MSH3: variants seen among roughly 807,000 people sequenced by gnomAD.
MSH3 encodes DNA mismatch repair protein Msh3.
A neutral mutation model predicts 123.3 loss-of-function variants in MSH3; 106 were observed. The observed-to-expected ratio is 0.86, with a 90% CI of 0.73 to 1.01. The LOEUF is 1.01. MSH3 is among the 50% of genes least tolerant of loss of function. The probability of loss-of-function intolerance (pLI) is 0.00; values close to 1 mark genes in which losing one functional copy is unlikely to be tolerated. For missense variants in MSH3, 1,459 were observed against 1,347.6 expected (o/e 1.08, Z -1.29); for synonymous variants, 515 against 481.4 (o/e 1.07, Z -0.91).
intron 10 of MSH3, among the ~76,000 whole-genome samples, chr5:80,735,794 A>C (rs1165363987): frequency 6.6e-6 from 1 of 152,244 alleles, no homozygotes; most frequent in African/African-American, 2.4e-5. Context: ...ATTAATCTTC[A>C]CTTAAAAATT....
intron 8 of MSH3, among the ~76,000 whole-genome samples, 163 bp from the exon 9 acceptor site, chr5:80,725,290 G>A (rs774675532): frequency 1.8e-4 from 27 of 149,516 alleles, no homozygotes; most frequent in Non-Finnish European, 2.2e-4. Context: ...AGAGCATTTT[G>A]GCAGAGAAAC....
chr5:80,855,584 G>A (rs1162669236), intron 21 of MSH3: 1 of 152,188 alleles, frequency 6.6e-6, no homozygotes, highest in Non-Finnish European at 1.5e-5. Context: ...TAGGCTTCAT[G>A]AGAATGATTC....
At chr5:80,834,842 A>G (rs937364468) in intron 20 of MSH3, among the ~76,000 whole-genome samples, 33 of 152,140 alleles carry the variant, frequency 2.2e-4, no homozygotes, top group Non-Finnish European at 4.1e-4. Context: ...AAGAAACCCT[A>G]TAATACCATG....
intron 8 of MSH3, among the ~76,000 whole-genome samples, chr5:80,699,248 G>T (rs1221935097): frequency 6.6e-6 from 1 of 152,138 alleles, no homozygotes; most frequent in Non-Finnish European, 1.5e-5. Flanking sequence ...ACTGATTTGG[G>T]TTTTTTAAAC....
intron 8 of MSH3, among the ~76,000 whole-genome samples, chr5:80,680,790 T>C (rs1433795768): frequency 3.3e-5 from 5 of 152,150 alleles, no homozygotes; most frequent in African/African-American, 9.7e-5. Context: ...GGAGCATCAG[T>C]TTATCCTCTA....
chr5:80,685,667 GATTTTT>G (rs1750072331), intron 8 of MSH3, among the ~76,000 whole-genome samples: 2 of 151,748 alleles, frequency 1.3e-5, no homozygotes, highest in African/African-American at 4.8e-5. Context: ...TTTCTGCTCT[GATTTTT>G]ATTTTTATTT....
chr5:80,664,291 G>A (rs1358451839), intron 2 of MSH3, among the ~76,000 whole-genome samples: 5 of 152,144 alleles, frequency 3.3e-5, no homozygotes, highest in Non-Finnish European at 5.9e-5. Flanking sequence ...GCAAAGTGAT[G>A]GTGTTTCTGA....
chr5:80,666,686 TA>T (rs1749581959), intron 3 of MSH3, among the ~76,000 whole-genome samples: 1 of 152,162 alleles, frequency 6.6e-6, no homozygotes, highest in Admixed American at 6.5e-5. Flanking sequence ...AAATTAGAAG[TA>T]AGTAGACAGA....
intron 20 of MSH3, among the ~76,000 whole-genome samples, chr5:80,829,079 A>AAG (rs1745375378): frequency 6.6e-6 from 1 of 152,192 alleles, no homozygotes; most frequent in African/African-American, 2.4e-5. Context: ...GCATTAATCC[A>AAG]CGAATGGATT....
At chr5:80,739,237 G>A (rs1052083094) in intron 10 of MSH3, among the ~76,000 whole-genome samples, 2 of 152,208 alleles carry the variant, frequency 1.3e-5, no homozygotes, top group South Asian at 4.1e-4. Flanking sequence ...TAACTGGTTA[G>A]ATACCAACTC....
At chr5:80,835,487 CAT>C (rs898341264) in intron 20 of MSH3, among the ~76,000 whole-genome samples, 19 of 151,928 alleles carry the variant, frequency 1.3e-4, no homozygotes, top group African/African-American at 4.6e-4. Context: ...GCAGCAATAG[CAT>C]TTTTTTTTTA....
rs770687133 is a variant in MSH3 at position 80,679,048 on chromosome 5, T to G, written c.1295T>G (p.Leu432Trp). The change falls in exon 8 of 24, where the codon TTG becomes TGG. Residue 432 changes from leucine to tryptophan, a missense_variant. Transcript: ENST00000265081. ...QPVELLLPSA[L>W]SEQTEALIHR... ...GTAGAGCTGCTGCTTCCTTCGGCCT[T>G]GTCCGAGCAAACAGAGGCGCTCATC... is the stretch of plus-strand genomic sequence containing the variant. The G allele has an allele frequency of 1.2e-5, 19 of 1,614,014 alleles. No homozygotes were observed. The African/African-American group carries it at 2.5e-4, about 22-fold the overall frequency.
intron 12 of MSH3, among the ~76,000 whole-genome samples, chr5:80,756,375 G>T (rs751813244): frequency 6.6e-6 from 1 of 152,198 alleles, no homozygotes; most frequent in African/African-American, 2.4e-5. Flanking sequence ...CAGGCCTTCA[G>T]TGTTTCTTCT....
At chr5:80,688,386 G>C (rs187112444) in intron 8 of MSH3, among the ~76,000 whole-genome samples, 4 of 152,302 alleles carry the variant, frequency 2.6e-5, no homozygotes, top group Admixed American at 2.6e-4. Flanking sequence ...TACATCATCT[G>C]AGGTTTAACC....
intron 7 of MSH3, among the ~76,000 whole-genome samples, chr5:80,676,318 A>G (rs1351957232): frequency 6.6e-6 from 1 of 152,220 alleles, no homozygotes; most frequent in African/African-American, 2.4e-5. Context: ...GGCGTGAGCC[A>G]CCACGCCTGG....
chr5:80,658,872 T>A (rs1200173149), intron 2 of MSH3, among the ~76,000 whole-genome samples: 1 of 152,212 alleles, frequency 6.6e-6, no homozygotes, highest in African/African-American at 2.4e-5. Flanking sequence ...GCTGGGACTG[T>A]GCTCCTGAGC....
chr5:80,672,902 G>T (rs1384886501), intron 6 of MSH3, 44 bp downstream of exon 6: 3 of 1,418,694 alleles, frequency 2.1e-6, no homozygotes, highest in Non-Finnish European at 3.0e-6. Context: ...TGATACAAGG[G>T]CTTTGTTGGC....
In MSH3 at chr5:80,875,963, T is replaced by C. The variant is rs1746302470; in HGVS notation, c.*101T>C. 1 of 754,854 alleles carries C rather than the reference T, an allele frequency of 1.3e-6. No individual in the cohort carries two copies. Among genetic ancestry groups the C allele is most frequent in the Non-Finnish European group, 2.3e-6 (1 of 426,070 alleles). 46.8% of individuals were successfully genotyped at this position (754,854 alleles called of 1,614,324 possible). ...CCTATCTTTGTGTGACATGTGAGCA[T>C]AAAATTATGACCATGGTATATTCCT... On this transcript the variant is annotated 3_prime_UTR_variant, in exon 24 of 24. Coordinates refer to ENST00000265081, the MANE Select transcript of MSH3 (RefSeq NM_002439.5).
chr5:80,714,337 T>A (rs1387101736), intron 8 of MSH3, among the ~76,000 whole-genome samples: 1 of 151,902 alleles, frequency 6.6e-6, no homozygotes, highest in Non-Finnish European at 1.5e-5. Flanking sequence ...GGTTTCACCA[T>A]GTTGGCCAGG....
Sources: gnomAD v4.1 joint callset for allele counts (sites outside exome capture counted in the v4.1 genomes callset) on GRCh38, gnomAD v4.1.1 for gene constraint, MANE v1.5 for transcripts, NCBI Gene and HGNC (gene_info 2026-07-23, HGNC 2026-07-21) for gene names.